The following DNAJB4 variants were observed in gnomAD, a reference collection of about 807,000 sequenced individuals.
DNAJB4 encodes the protein dnaJ homolog subfamily B member 4.
In DNAJB4, 10 loss-of-function variants were observed where a neutral mutation model predicts 26.6. That is an observed-to-expected ratio of 0.38 (90% CI 0.23 to 0.64). The LOEUF (loss-of-function observed/expected upper bound fraction) is 0.64. DNAJB4 is among the 30% of genes least tolerant of loss of function. The pLI, the probability that DNAJB4 is intolerant of heterozygous loss-of-function variation, is 0.58. For missense variants in DNAJB4, 328 were observed against 408.2 expected, an observed-to-expected ratio of 0.80 and a Z score of 1.69; for synonymous variants, 136 against 134.8, an observed-to-expected ratio of 1.01 and a Z score of -0.06.
rs751028698 is a variant in DNAJB4 at position 78,013,080 on chromosome 1, G to A, written c.241G>A (p.Gly81Arg). The A allele has an allele frequency of 1.1e-5, 18 of 1,611,998 alleles. No individual in the cohort carries two copies. In the South Asian group the frequency reaches 1.8e-4, roughly 16 times the overall value. The change falls in exon 2 of 3, where the codon GGA becomes AGA. Residue 81 changes from glycine to arginine, a missense_variant. Physicochemically the swap from Gly to Arg is moderately radical, Grantham distance 125 (BLOSUM62 -2). Coordinates refer to ENST00000370763, the MANE Select transcript of DNAJB4 (RefSeq NM_007034.5). ...GAAAGGAGGAGCAGGAGGTACTGAT[G>A]GACAAGGAGGTACCTTCCGGTACAC... ...GLKGGAGGTD[G>R]QGGTFRYTFH...
intron 1 of DNAJB4, among the ~76,000 whole-genome samples, chr1:77,981,973 C>T (rs976006119): frequency 1.3e-5 from 2 of 152,118 alleles, no homozygotes; most frequent in African/African-American, 4.8e-5. Context: ...TTGGAGCTCT[C>T]CACCTCTTCT....
Position 78,016,239 on chromosome 1 carries a change from G to C in DNAJB4, c.1006G>C (p.Ala336Pro). 6.2e-7 allele frequency: 1 copy of C among 1,612,714 alleles called. No homozygotes were observed. ...SKEVLRKHLP[A>P]S ...AGAAGTACTTAGGAAACATCTTCCT[G>C]CCTCATAGAATGAAGAACTTTGTTA... The change falls in exon 3 of 3, where the codon GCC becomes CCC. Residue 336 changes from alanine (A) to proline (P), a missense_variant. By Grantham distance (27) the Ala-to-Pro change is conservative. Coordinates refer to ENST00000370763, the MANE Select transcript of DNAJB4 (RefSeq NM_007034.5).
rs754949572 is a variant in DNAJB4 at position 78,013,428 on chromosome 1, G to C, written c.589G>C (p.Asp197His). Residue 197 changes from aspartate (D) to histidine (H), a missense_variant, in exon 2 of 3, where the codon GAC becomes CAC. Asp to His is a moderately conservative substitution (Grantham distance 81). Coordinates refer to ENST00000370763, the MANE Select transcript of DNAJB4 (RefSeq NM_007034.5). ...NADGRSYRSE[D>H]KILTIEIKKG... Reference sequence around the variant, plus strand: ...TGATGGAAGGAGTTACAGATCTGAGGACAAAATTCTTACCATTGAGATTAA... The same window carrying C: ...TGATGGAAGGAGTTACAGATCTGAGCACAAAATTCTTACCATTGAGATTAA... 6.2e-7 allele frequency: 1 copy of C among 1,614,106 alleles called. No homozygotes were observed. Among genetic ancestry groups the C allele is most frequent in the South Asian group, 1.1e-5 (1 of 91,068 alleles).
intron 1 of DNAJB4, among the ~76,000 whole-genome samples, chr1:77,982,722 C>T (rs775374506): frequency 2.0e-4 from 30 of 152,192 alleles, no homozygotes; most frequent in Admixed American, 1.7e-3. Context: ...TGCCTGAACC[C>T]GGGACGGGGA....
chr1:78,012,309 C>A (rs975232417), intron 1 of DNAJB4, among the ~76,000 whole-genome samples: 8 of 151,082 alleles, frequency 5.3e-5, no homozygotes, highest in African/African-American at 1.9e-4. Context: ...ATTACAGGCA[C>A]CTGCCACCAC....
At chr1:77,992,759 C>T (rs1557503214) in intron 1 of DNAJB4, 1 of 152,126 alleles carries the variant, frequency 6.6e-6, no homozygotes, top group Non-Finnish European at 1.5e-5. Flanking sequence ...GACAGAGTCT[C>T]TGTTGCCCAG....
rs1446472403 is a variant in DNAJB4 at position 78,017,006 on chromosome 1, A to G, written c.*759A>G. ...GGCTCATTTTGTTCTCTGCTAGTTT[A>G]AAGTAATTCGTTTAATAATAGATGT... On this transcript the variant is annotated 3_prime_UTR_variant, in exon 3 of 3. Transcript: ENST00000370763. 2 of 152,084 alleles carry G rather than the reference A, an allele frequency of 1.3e-5. No homozygotes were observed. The highest frequency in any genetic ancestry group is 2.9e-5 in the Non-Finnish European group (2 of 67,936). The allele number at this position is 152,084 out of a possible 1,614,324, so 9.4% of individuals were successfully genotyped here.
At chr1:77,985,167 G>A (rs577611550) in intron 1 of DNAJB4, among the ~76,000 whole-genome samples, 222 of 152,264 alleles carry the variant, frequency 1.5e-3, no homozygotes, top group South Asian at 2.5e-3. Flanking sequence ...CTGAAAATAG[G>A]TTATTGAAAG....
At chr1:78,012,804 C>CT (rs2102613996) in intron 1 of DNAJB4, among the ~76,000 whole-genome samples, 1 of 101,770 alleles carries the variant, frequency 9.8e-6, no homozygotes, top group East Asian at 3.4e-4. Flanking sequence ...GAGCGAAACT[C>CT]TGTCTCAAAA....
chr1:77,996,100 T>G (rs186853546), intron 1 of DNAJB4, among the ~76,000 whole-genome samples: 54 of 152,324 alleles, frequency 3.5e-4, no homozygotes, highest in Non-Finnish European at 4.7e-4. Context: ...TGCTTGAATA[T>G]TTTATTCATC....
At chr1:77,986,348 G>C (rs1178792652) in intron 1 of DNAJB4, among the ~76,000 whole-genome samples, 1 of 152,154 alleles carries the variant, frequency 6.6e-6, no homozygotes, top group Non-Finnish European at 1.5e-5. Context: ...CCTGCATCTA[G>C]TCTTCATCCA....
At chr1:78,003,636 ACTTTT>A (rs1373805102), upstream of DNAJB4, among the ~76,000 whole-genome samples, 1 of 152,146 alleles carries the variant, frequency 6.6e-6, no homozygotes, top group Admixed American at 6.5e-5. Flanking sequence ...AATTCTTCTG[ACTTTT>A]CTTATTTATC....
intron 1 of DNAJB4, among the ~76,000 whole-genome samples, chr1:77,985,772 G>A (rs997071879): frequency 1.3e-5 from 2 of 152,158 alleles, no homozygotes; most frequent in African/African-American, 4.8e-5. Flanking sequence ...CTGGCATCTA[G>A]TAGGTCCTAA....
At chr1:77,987,979 A>C (rs1455555808) in intron 1 of DNAJB4, among the ~76,000 whole-genome samples, 1 of 147,986 alleles carries the variant, frequency 6.8e-6, no homozygotes, top group Non-Finnish European at 1.5e-5. Context: ...CATACATTAT[A>C]TATATACATA....
rs775275120 is a variant in DNAJB4 at position 78,013,046 on chromosome 1, A to T, written c.212-5A>T. Reference sequence around the variant, plus strand: ...TTTTCTAATCATGCTTATCTCTTCAATTAGGGTTGAAAGGAGGAGCAGGAG... The same window carrying T: ...TTTTCTAATCATGCTTATCTCTTCATTTAGGGTTGAAAGGAGGAGCAGGAG... On this transcript the variant is annotated splice_region_variant and splice_polypyrimidine_tract_variant and intron_variant, in intron 1 of 2. Coordinates refer to ENST00000370763, the MANE Select transcript of DNAJB4 (RefSeq NM_007034.5). 6.3e-7 allele frequency: 1 copy of T among 1,578,382 alleles called. No homozygotes were observed. Among genetic ancestry groups the T allele is most frequent in the African/African-American group, 1.4e-5 (1 of 73,332 alleles).
intron 2 of DNAJB4, among the ~76,000 whole-genome samples, chr1:78,014,630 G>A (rs548713534): frequency 1.3e-5 from 2 of 151,728 alleles, no homozygotes; most frequent in African/African-American, 2.4e-5. Flanking sequence ...ATGGAGTCTC[G>A]CTCTGTCACC....
chr1:78,005,922 A>G (rs1660320010), intron 1 of DNAJB4, among the ~76,000 whole-genome samples: 1 of 152,236 alleles, frequency 6.6e-6, no homozygotes, highest in South Asian at 2.1e-4. Flanking sequence ...AGAGGAAAGA[A>G]TTTTCCTGAT....
At chr1:78,011,579 G>C (rs1660475037) in intron 1 of DNAJB4, among the ~76,000 whole-genome samples, 1 of 151,530 alleles carries the variant, frequency 6.6e-6, no homozygotes, top group Admixed American at 6.6e-5. Flanking sequence ...CTGCCTCCCA[G>C]GTTCAAGCGA....
upstream of DNAJB4, among the ~76,000 whole-genome samples, chr1:78,000,905 C>T (rs889779262): frequency 5.9e-5 from 9 of 152,126 alleles, no homozygotes; most frequent in African/African-American, 2.2e-4. Context: ...TTTCTTAAAA[C>T]CCGGGAGGCG....
Sources: allele counts gnomAD v4.1 joint callset (sites outside exome capture counted in the v4.1 genomes callset), GRCh38; gene constraint gnomAD v4.1.1; transcripts MANE v1.5; gene names NCBI Gene and HGNC (gene_info 2026-07-23, HGNC 2026-07-21).